BCAP29: variants seen among roughly 807,000 people sequenced by gnomAD.
The protein encoded by BCAP29 is B-cell receptor-associated protein 29.
In BCAP29, 34 loss-of-function variants were observed where a neutral mutation model predicts 31.8. The observed-to-expected ratio is 1.07, with a 90% CI of 0.81 to 1.42. The LOEUF (loss-of-function observed/expected upper bound fraction) is 1.42, where lower values mean the gene tolerates loss of function less well. BCAP29 is among the 40% of genes most tolerant of loss of function. BCAP29 has a pLI of 0.00. For synonymous variants in BCAP29, 104 were observed against 91.3 expected, an observed-to-expected ratio of 1.14 and a Z score of -0.79; for missense variants, 314 against 269.2, an observed-to-expected ratio of 1.17 and a Z score of -1.16.
chr7:107,581,542 C>T (rs935935435), intron 2 of BCAP29, among the ~76,000 whole-genome samples: 1 of 152,028 alleles, frequency 6.6e-6, no homozygotes, highest in South Asian at 2.1e-4. Context: ...ACTTTTTAGT[C>T]GTTTAATTTT....
Position 107,582,478 on chromosome 7 carries a change from T to C in BCAP29, c.93-1404T>C, listed in dbSNP as rs1236240436. On this transcript the variant is annotated intron_variant, in intron 2 of 7. Transcript: ENST00000005259. Reference sequence around the variant, plus strand: ...AGAAAATATTTCATCATTTAGTCTCTATTATTTTCTTACATAACCCAGTGG... The same window carrying C: ...AGAAAATATTTCATCATTTAGTCTCCATTATTTTCTTACATAACCCAGTGG... Among the ~76,000 whole-genome samples the C allele has an allele frequency of 2.6e-5, 4 of 152,354 alleles. No homozygotes were observed. The South Asian group carries it at 8.3e-4, about 32-fold the overall frequency.
At chr7:107,603,822 G>C (rs1585168862) in intron 6 of BCAP29, among the ~76,000 whole-genome samples, 1 of 151,842 alleles carries the variant, frequency 6.6e-6, no homozygotes, top group East Asian at 1.9e-4. Flanking sequence ...ACTTAGTCTG[G>C]TCTTGAACTT....
intron 5 of BCAP29, among the ~76,000 whole-genome samples, chr7:107,596,611 C>A (rs1483046427): frequency 6.6e-6 from 1 of 152,144 alleles, no homozygotes; most frequent in East Asian, 1.9e-4. Flanking sequence ...ATTTATAGAA[C>A]AACTGATCAT....
chr7:107,623,316 T>C (rs1448604619), downstream of BCAP29: 1 of 152,238 alleles, frequency 6.6e-6, no homozygotes, highest in East Asian at 1.9e-4. Context: ...TCCTCTACTG[T>C]CTCTGCATGC....
downstream of BCAP29, chr7:107,623,260 C>T (rs1182747094): frequency 1.3e-5 from 2 of 152,120 alleles, no homozygotes; most frequent in African/African-American, 4.8e-5. Flanking sequence ...AGCACAAAAC[C>T]TTTGTATCTT....
In BCAP29 at chr7:107,618,533, G is replaced by T. The variant is rs1397441883; in HGVS notation, c.*170G>T. ...TATCAAAATATTTGATGATGTTTCA[G>T]ATATATTGCAAAGTCTGTATTCCAG... is the stretch of plus-strand genomic sequence containing the variant. On this transcript the variant is annotated 3_prime_UTR_variant, in exon 8 of 8. Transcript: ENST00000005259. 6.2e-7 allele frequency: 1 copy of T among 1,605,348 alleles called. No homozygotes were observed. The highest frequency in any genetic ancestry group is 8.5e-7 in the Non-Finnish European group (1 of 1,172,670).
At chr7:107,591,657 C>CACACACACA (rs1554475285) in intron 3 of BCAP29, among the ~76,000 whole-genome samples, 1 of 69,806 alleles carries the variant, frequency 1.4e-5, no homozygotes, top group Non-Finnish European at 3.6e-5. Flanking sequence ...CACACACACA[C>CACACACACA]CCTATTGGTT....
Position 107,599,085 on chromosome 7 carries a change from T to A in BCAP29, c.481-1312T>A, listed in dbSNP as rs868209843. Among the ~76,000 whole-genome samples the A allele has an allele frequency of 1.8e-4, 24 of 133,732 alleles. No individual in the cohort carries two copies. In the South Asian group the frequency reaches 2.0e-3, roughly 11 times the overall value. 87.7% of individuals were successfully genotyped at this position (133,732 alleles called of 152,430 possible). ...TATAAATATATAAATATATTAAAAA[T>A]TTATATGTATATAAATATATATTTA... On this transcript the variant is annotated intron_variant, in intron 5 of 7. Coordinates refer to ENST00000005259, the MANE Select transcript of BCAP29 (RefSeq NM_018844.4).
rs771620898 is a variant in BCAP29 at position 107,593,676 on chromosome 7, GTAGT to G, written c.194-275_194-272del. 1.5e-4 allele frequency among the ~76,000 whole-genome samples: 23 copies of G among 152,284 alleles called. 1 individual carries two copies. Among genetic ancestry groups the G allele is most frequent in the South Asian group, 8.3e-4 (4 of 4,818 alleles). ...AATGTAAAGGATAATAGTTTGCAGT[GTAGT>G]TAGAGATGAGAAACAATAAAATGAT... On this transcript the variant is annotated intron_variant, in intron 3 of 7. Transcript: ENST00000005259.
At chr7:107,605,762 T>C (rs910747943) in intron 6 of BCAP29, among the ~76,000 whole-genome samples, 1 of 152,224 alleles carries the variant, frequency 6.6e-6, no homozygotes, top group Non-Finnish European at 1.5e-5. Context: ...TACCTAGATA[T>C]GCATGTTTAC....
At chr7:107,592,658 T>G (rs1809092520) in intron 3 of BCAP29, among the ~76,000 whole-genome samples, 1 of 152,254 alleles carries the variant, frequency 6.6e-6, no homozygotes, top group Non-Finnish European at 1.5e-5. Context: ...TTATTCATAA[T>G]AGCCGGAAGG....
intron 3 of BCAP29, among the ~76,000 whole-genome samples, chr7:107,593,040 G>T (rs1007011409): frequency 6.6e-6 from 1 of 152,184 alleles, no homozygotes; most frequent in African/African-American, 2.4e-5. Context: ...ACATTTTAAA[G>T]AGGTAAATTT....
intron 3 of BCAP29, among the ~76,000 whole-genome samples, chr7:107,592,719 C>A (rs556387184): frequency 7.9e-5 from 12 of 152,278 alleles, no homozygotes; most frequent in Admixed American, 5.2e-4. Context: ...CAAATGTTAC[C>A]ACATTCATAC....
intron 7 of BCAP29, chr7:107,616,472 T>G (rs139079999): frequency 6.6e-6 from 1 of 152,184 alleles, no homozygotes; most frequent in Non-Finnish European, 1.5e-5. Context: ...AGCTCCATAG[T>G]TTACCACTTC....
chr7:107,596,667 A>T (rs1386146162), intron 5 of BCAP29, among the ~76,000 whole-genome samples: 1 of 152,194 alleles, frequency 6.6e-6, no homozygotes, highest in Non-Finnish European at 1.5e-5. Flanking sequence ...TGGAGTAATG[A>T]TTTGTAACCA....
chr7:107,610,859 A>G (rs1427735351), intron 6 of BCAP29, among the ~76,000 whole-genome samples: 2 of 152,204 alleles, frequency 1.3e-5, no homozygotes, highest in Non-Finnish European at 2.9e-5. Flanking sequence ...ATTCAAGTAT[A>G]AATTGTTTTT....
intron 5 of BCAP29, 137 bp downstream of exon 5, chr7:107,596,139 A>G (rs1034029137): frequency 6.9e-6 from 5 of 725,144 alleles, no homozygotes; most frequent in African/African-American, 5.6e-5. Context: ...TTATGTAATG[A>G]TTATTTCAAG....
chr7:107,608,026 A>C (rs1812431667), intron 6 of BCAP29, among the ~76,000 whole-genome samples: 1 of 152,096 alleles, frequency 6.6e-6, no homozygotes, highest in African/African-American at 2.4e-5. Flanking sequence ...ACATATTATT[A>C]ACATAACTTA....
At chr7:107,603,181 A>T (rs1457473188) in intron 6 of BCAP29, among the ~76,000 whole-genome samples, 1 of 151,972 alleles carries the variant, frequency 6.6e-6, no homozygotes, top group Non-Finnish European at 1.5e-5. Context: ...CATGTTAGCC[A>T]GGATGGTCTC....
Sources: allele counts gnomAD v4.1 joint callset (sites outside exome capture counted in the v4.1 genomes callset), GRCh38; gene constraint gnomAD v4.1.1; transcripts MANE v1.5; gene names NCBI Gene and HGNC (gene_info 2026-07-23, HGNC 2026-07-21).